The following AJAP1 variants were observed in gnomAD, a reference collection of about 807,000 sequenced individuals.
AJAP1 encodes adherens junctions associated protein 1, also known as adherens junction-associated protein 1.
A neutral mutation model predicts 35.0 loss-of-function variants in AJAP1; 5 were observed. That is an observed-to-expected ratio of 0.14 (90% confidence interval 0.07 to 0.30). AJAP1 has a LOEUF of 0.30. AJAP1 is among the 10% of genes least tolerant of loss of function. The pLI, the probability that AJAP1 is intolerant of heterozygous loss-of-function variation, is 1.00. For synonymous variants in AJAP1, 284 were observed against 249.3 expected (o/e 1.14, Z -1.31); for missense variants, 586 against 571.0 (o/e 1.03, Z -0.27).
chr1:4,720,700 C>T lies in AJAP1; in HGVS notation c.829+8001C>T, dbSNP rs1224568144. Among the ~76,000 whole-genome samples, 1 of 152,194 alleles carries T rather than the reference C, an allele frequency of 6.6e-6. No homozygotes were observed. The highest frequency in any genetic ancestry group is 2.4e-5 in the African/African-American group (1 of 41,458). On this transcript the variant is annotated intron_variant, in intron 2 of 5. Transcript: ENST00000378191. The surrounding 1 kb of genome is among the most constrained non-coding windows in gnomAD (Gnocchi z 4.4). ...CAGGTCTTAAAAGATGCACGAAGCC[C>T]ACCTCACCGGTGGCTCTGCCAGGGT... is the stretch of plus-strand genomic sequence containing the variant.
chr1:4,757,429 T>C (rs866027266), intron 2 of AJAP1, among the ~76,000 whole-genome samples: 1 of 152,306 alleles, frequency 6.6e-6, no homozygotes. Flanking sequence ...GCTGGGCATG[T>C]TCTCACTATG....
intron 2 of AJAP1, among the ~76,000 whole-genome samples, chr1:4,727,134 G>T (rs1640682178): frequency 6.6e-6 from 1 of 152,258 alleles, no homozygotes; most frequent in Non-Finnish European, 1.5e-5. Context: ...GGCGCACACA[G>T]CTCTCACTGT....
intron 5 of AJAP1, among the ~76,000 whole-genome samples, chr1:4,781,444 C>T (rs112809264): frequency 3.0e-4 from 45 of 152,328 alleles, no homozygotes; most frequent in South Asian, 2.1e-3. Context: ...TAAGCTCCAA[C>T]GATGACGATG....
At chr1:4,670,312 G>A (rs941381434) in intron 1 of AJAP1, among the ~76,000 whole-genome samples, 1 of 152,184 alleles carries the variant, frequency 6.6e-6, no homozygotes, top group Admixed American at 6.5e-5. Context: ...CACTAAAGAG[G>A]AATTATGAAC....
rs571326566 is a variant in AJAP1 at position 4,787,555 on chromosome 1, T to A, written c.*5070T>A. On this transcript the variant is annotated 3_prime_UTR_variant, in exon 6 of 6. Transcript: ENST00000378191. ...ACATCGCAGTTGTTACGACGCCTGGTTCTCCACCAAATTCCTCTGTCATTC... is the reference window on the plus strand; with the variant it reads ...ACATCGCAGTTGTTACGACGCCTGGATCTCCACCAAATTCCTCTGTCATTC... The A allele has an allele frequency of 2.5e-6, 1 of 402,524 alleles. No homozygotes were observed. Among genetic ancestry groups the A allele is most frequent in the African/African-American group, 2.1e-5 (1 of 48,468 alleles). The allele number at this position is 402,524 out of a possible 1,614,324, so 24.9% of individuals were successfully genotyped here. A position where few individuals can be genotyped will look rare whatever the true frequency, so the allele number is the denominator to read the frequency against.
At chr1:4,690,001 C>G (rs1042761642) in intron 1 of AJAP1, among the ~76,000 whole-genome samples, 9 of 151,968 alleles carry the variant, frequency 5.9e-5, no homozygotes, top group Non-Finnish European at 5.9e-5. Flanking sequence ...CCGGTTGAGA[C>G]CCCCCCAGCC....
At position 4,783,016 on chromosome 1, in the gene AJAP1, A is replaced by T. The variant is rs1642095322; in HGVS notation, c.*531A>T. The T allele has an allele frequency of 1.0e-5, 4 of 392,820 alleles. No individual in the cohort carries two copies. The highest frequency in any genetic ancestry group is 1.8e-5 in the Non-Finnish European group (4 of 223,472). The allele number at this position is 392,820 out of a possible 1,614,324, so 24.3% of individuals were successfully genotyped here. ...GAGTCGCTATTTCTGGTTAATATAC[A>T]TATATAAATATATAAATACAAACAC... is the stretch of plus-strand genomic sequence containing the variant. On this transcript the variant is annotated 3_prime_UTR_variant, in exon 6 of 6. Transcript: ENST00000378191.
At chr1:4,714,274 G>T (rs1640338171) in intron 2 of AJAP1, among the ~76,000 whole-genome samples, 1 of 152,196 alleles carries the variant, frequency 6.6e-6, no homozygotes, top group Non-Finnish European at 1.5e-5. Context: ...TCCTGCATCG[G>T]CTTCCTCCCA....
chr1:4,785,221 T>C lies in AJAP1; in HGVS notation c.*2736T>C, dbSNP rs1642142471. 6.6e-6 allele frequency: 1 copy of C among 152,172 alleles called. No individual in the cohort carries two copies. The highest frequency in any genetic ancestry group is 2.4e-5 in the African/African-American group (1 of 41,404). 9.4% of individuals were successfully genotyped at this position (152,172 alleles called of 1,614,324 possible). Reference sequence around the variant, plus strand: ...AAGGAAGCGTAATGCAACAACCCTCTTGTCCCCGATAAGAGCCACAGATTC... The same window carrying C: ...AAGGAAGCGTAATGCAACAACCCTCCTGTCCCCGATAAGAGCCACAGATTC... On this transcript the variant is annotated 3_prime_UTR_variant, in exon 6 of 6. Coordinates refer to ENST00000378191, the MANE Select transcript of AJAP1 (RefSeq NM_018836.4).
At chr1:4,702,694 T>A (rs946463480) in intron 1 of AJAP1, among the ~76,000 whole-genome samples, 6 of 152,112 alleles carry the variant, frequency 3.9e-5, no homozygotes, top group African/African-American at 1.4e-4. Flanking sequence ...GCCCTTGGTG[T>A]GCTGGGGCAG....
chr1:4,709,297 G>T (rs1484996256), intron 1 of AJAP1, among the ~76,000 whole-genome samples: 2 of 151,630 alleles, frequency 1.3e-5, no homozygotes, highest in Admixed American at 6.6e-5. Flanking sequence ...GTGTAGTGGG[G>T]CCTGGTGAAG....
chr1:4,733,895 TG>T (rs1200305080), intron 2 of AJAP1, among the ~76,000 whole-genome samples: 1 of 151,930 alleles, frequency 6.6e-6, no homozygotes, highest in Non-Finnish European at 1.5e-5. Context: ...CTGATTTCTG[TG>T]CTCATAATTC....
intron 1 of AJAP1, among the ~76,000 whole-genome samples, chr1:4,703,763 G>A (rs897468449): frequency 2.6e-5 from 4 of 152,164 alleles, no homozygotes; most frequent in Non-Finnish European, 4.4e-5. Context: ...CACCAGCTCC[G>A]GGGGACCCTG....
rs77637438 is a variant in AJAP1, at chr1:4,784,883, C to T, written c.*2398C>T. The T allele has an allele frequency of 3.2e-3, 482 of 152,562 alleles. 1 individual carries two copies. Among genetic ancestry groups the T allele is most frequent in the Middle Eastern group, 6.8e-3 (2 of 296 alleles). 9.5% of individuals were successfully genotyped at this position (152,562 alleles called of 1,614,324 possible). ...CCATTCTCCTTCAATCACTCCCTCCCGCTGAGGTGGGCCTCCTGACTCCAG... is the reference window on the plus strand; with the variant it reads ...CCATTCTCCTTCAATCACTCCCTCCTGCTGAGGTGGGCCTCCTGACTCCAG... On this transcript the variant is annotated 3_prime_UTR_variant, in exon 6 of 6. Coordinates refer to ENST00000378191, the MANE Select transcript of AJAP1 (RefSeq NM_018836.4).
At chr1:4,718,047 AAACTTTGTAGAC>A (rs1241034209) in intron 2 of AJAP1, among the ~76,000 whole-genome samples, 1 of 152,188 alleles carries the variant, frequency 6.6e-6, no homozygotes, top group Non-Finnish European at 1.5e-5. Flanking sequence ...AAAAGATCCT[AAACTTTGTAGAC>A]AGCAAGGCTG....
intron 1 of AJAP1, among the ~76,000 whole-genome samples, chr1:4,666,082 AGG>A (rs1206380611): frequency 1.8e-4 from 27 of 151,994 alleles, no homozygotes; most frequent in African/African-American, 6.5e-4. Context: ...TAGCCCACTG[AGG>A]CTCCTCCGGC....
intron 2 of AJAP1, among the ~76,000 whole-genome samples, chr1:4,739,778 T>A (rs1360513184): frequency 6.6e-6 from 1 of 152,206 alleles, no homozygotes; most frequent in African/African-American, 2.4e-5. Context: ...CCACACAGCA[T>A]GGTTGTGGCG....
chr1:4,683,156 T>A (rs950589777), intron 1 of AJAP1, among the ~76,000 whole-genome samples: 2 of 152,174 alleles, frequency 1.3e-5, no homozygotes, highest in Non-Finnish European at 2.9e-5. Flanking sequence ...GTACTCCCCT[T>A]CTCTGTGCCT....
intron 3 of AJAP1, 115 bp downstream of exon 3, chr1:4,770,055 C>G: frequency 2.1e-6 from 2 of 934,962 alleles, no homozygotes; most frequent in Admixed American, 1.9e-5. Context: ...GGCTTCTGCC[C>G]TGGGCAGTTC....
Sources: allele counts gnomAD v4.1 joint callset (sites outside exome capture counted in the v4.1 genomes callset), GRCh38; gene constraint gnomAD v4.1.1; non-coding constraint Gnocchi (gnomAD v3.1); transcripts MANE v1.5; gene names NCBI Gene and HGNC (gene_info 2026-07-23, HGNC 2026-07-21).